ACAP2: variants seen among roughly 807,000 people sequenced by gnomAD.
ACAP2 encodes the protein arf-GAP with coiled-coil, ANK repeat and PH domain-containing protein 2.
In ACAP2, 39 loss-of-function variants were observed where a neutral mutation model predicts 115.8. That is an observed-to-expected ratio of 0.34 (90% confidence interval 0.26 to 0.44). The LOEUF (loss-of-function observed/expected upper bound fraction) is 0.44, where lower values mean the gene tolerates loss of function less well. Among genes scored for constraint, ACAP2 ranks in the 20% least tolerant of loss-of-function variants. ACAP2 has a pLI of 1.00. For missense variants in ACAP2, 662 were observed against 927.6 expected, an observed-to-expected ratio of 0.71 and a Z score of 3.72; for synonymous variants, 289 against 315.8, an observed-to-expected ratio of 0.92 and a Z score of 0.90.
chr3:195,290,849 T>TAAATAAATAAATAATAAATA (rs1553843260), intron 20 of ACAP2, among the ~76,000 whole-genome samples: 3 of 134,192 alleles, frequency 2.2e-5, no homozygotes, highest in African/African-American at 8.8e-5. Context: ...AATAAATAAA[T>TAAATAAATAAATAATAAATA]AATAAATAAA....
In ACAP2 at chr3:195,307,216, C is replaced by T. The variant is rs780010019; in HGVS notation, c.1010+7G>A. 66 of 1,607,342 alleles carry T rather than the reference C, an allele frequency of 4.1e-5. No individual in the cohort carries two copies. The highest frequency in any genetic ancestry group is 5.0e-5 in the Admixed American group (3 of 59,424). ...AAGCAAATCACAGATCCTTTAGAAC[C>T]ACTTACTTTGTTGGCGAGACCACCT... On this transcript the variant is annotated splice_region_variant and intron_variant, in intron 12 of 22. Transcript: ENST00000326793.
chr3:195,342,410 A>G, intron 6 of ACAP2, 61 bp downstream of exon 6: 4 of 1,466,702 alleles, frequency 2.7e-6, no homozygotes, highest in Non-Finnish European at 3.6e-6. Flanking sequence ...CGATCACTCA[A>G]AAGTAACAAC....
At chr3:195,318,175 T>C (rs569966918) in intron 10 of ACAP2, among the ~76,000 whole-genome samples, 16 of 152,356 alleles carry the variant, frequency 1.1e-4, no homozygotes, top group African/African-American at 3.8e-4. Flanking sequence ...CCCAGCCATG[T>C]AGAACTGTGA....
At chr3:195,380,398 C>G (rs948181152) in intron 4 of ACAP2, among the ~76,000 whole-genome samples, 2 of 152,064 alleles carry the variant, frequency 1.3e-5, no homozygotes, top group African/African-American at 4.8e-5. Context: ...TATACAACAG[C>G]CATATCAGTT....
intron 4 of ACAP2, among the ~76,000 whole-genome samples, chr3:195,360,159 A>G (rs769400151): frequency 1.1e-4 from 17 of 152,308 alleles, no homozygotes; most frequent in Non-Finnish European, 2.2e-4. Context: ...AAAGACAAAA[A>G]CTGAAAATAA....
At chr3:195,371,183 T>C (rs1404152874) in intron 4 of ACAP2, among the ~76,000 whole-genome samples, 1 of 152,204 alleles carries the variant, frequency 6.6e-6, no homozygotes, top group African/African-American at 2.4e-5. Context: ...CTTAATTCTA[T>C]CTATCCATGA....
intron 4 of ACAP2, among the ~76,000 whole-genome samples, chr3:195,362,431 T>A (rs773923238): frequency 6.6e-6 from 1 of 152,068 alleles, no homozygotes; most frequent in Non-Finnish European, 1.5e-5. Flanking sequence ...ACTCAAACTA[T>A]TCTGAAAAAT....
chr3:195,286,734 G>C lies in ACAP2; in HGVS notation c.2175-877C>G, dbSNP rs79188077. On this transcript the variant is annotated intron_variant, in intron 21 of 22. Coordinates refer to ENST00000326793, the MANE Select transcript of ACAP2 (RefSeq NM_012287.6). Reference sequence around the variant, plus strand: ...CCTTTGGCATTTGGGTTTTCACAGAGGATGCTTACAAAAATTCTTAAGTGA... The same window carrying C: ...CCTTTGGCATTTGGGTTTTCACAGACGATGCTTACAAAAATTCTTAAGTGA... Among the ~76,000 whole-genome samples the C allele has an allele frequency of 6.9e-3, 1,050 of 152,276 alleles. 7 individuals carry two copies. The highest frequency in any genetic ancestry group is 0.011 in the Non-Finnish European group (745 of 68,028).
At chr3:195,335,064 G>C (rs1039844704) in intron 7 of ACAP2, among the ~76,000 whole-genome samples, 2 of 152,004 alleles carry the variant, frequency 1.3e-5, no homozygotes, top group African/African-American at 4.8e-5. Flanking sequence ...ATCTTTAAAT[G>C]ATTTAAAGGC....
At chr3:195,431,283 T>C (rs1264469641) in intron 1 of ACAP2, among the ~76,000 whole-genome samples, 1 of 152,224 alleles carries the variant, frequency 6.6e-6, no homozygotes, top group Non-Finnish European at 1.5e-5. Flanking sequence ...TATTTATCCA[T>C]GTACGGACAC....
At chr3:195,397,131 C>T (rs1312579633) in intron 1 of ACAP2, among the ~76,000 whole-genome samples, 2 of 152,072 alleles carry the variant, frequency 1.3e-5, no homozygotes, top group Non-Finnish European at 2.9e-5. Context: ...CTGTTGTATT[C>T]TTTTGTTTTA....
chr3:195,294,404 C>G (rs550347284), intron 18 of ACAP2, among the ~76,000 whole-genome samples: 1 of 150,900 alleles, frequency 6.6e-6, no homozygotes, highest in African/African-American at 2.4e-5. Context: ...GTGGTGAAAC[C>G]TCGTCCCTAC....
intron 12 of ACAP2, 157 bp from the exon 13 acceptor site, chr3:195,306,773 C>A: frequency 8.5e-6 from 4 of 472,552 alleles, no homozygotes; most frequent in South Asian, 3.3e-5. Flanking sequence ...ATCTTTAGGG[C>A]AAAGTATGTT....
At chr3:195,306,754 A>G in intron 12 of ACAP2, 138 bp from the exon 13 acceptor site, 1 of 595,958 alleles carries the variant, frequency 1.7e-6, no homozygotes, top group Non-Finnish European at 2.8e-6. Flanking sequence ...AGAAGGTTTT[A>G]TTTCATGTAT....
At chr3:195,318,465 T>C (rs4677668) in intron 10 of ACAP2, among the ~76,000 whole-genome samples, 36,469 of 152,078 alleles carry the variant, frequency 0.24, 5,116 homozygotes, top group East Asian at 0.71. Context: ...GACAATGTAG[T>C]CCAGGCTGAG....
At chr3:195,294,469 TC>T (rs1021151861) in intron 18 of ACAP2, among the ~76,000 whole-genome samples, 66 of 150,344 alleles carry the variant, frequency 4.4e-4, no homozygotes, top group African/African-American at 1.6e-3. Flanking sequence ...TCCCAGCTAC[TC>T]GGGAGGCTGA....
chr3:195,295,384 A>C (rs1353272092), intron 17 of ACAP2: 1 of 777,968 alleles, frequency 1.3e-6, no homozygotes, highest in Middle Eastern at 2.7e-4. Context: ...GAAAAAATTT[A>C]GGAGGAAAAA....
intron 1 of ACAP2, among the ~76,000 whole-genome samples, chr3:195,400,201 T>C (rs1231758277): frequency 6.6e-6 from 1 of 150,756 alleles, no homozygotes. Flanking sequence ...AACAAAAAAA[T>C]ACGTATGTGT....
chr3:195,323,320 T>A (rs1375320488), intron 9 of ACAP2, among the ~76,000 whole-genome samples: 3 of 151,936 alleles, frequency 2.0e-5, no homozygotes, highest in African/African-American at 7.3e-5. Flanking sequence ...ACACAGAACA[T>A]CCAAAATAAT....
Sources: allele counts gnomAD v4.1 joint callset (sites outside exome capture counted in the v4.1 genomes callset), GRCh38; gene constraint gnomAD v4.1.1; transcripts MANE v1.5; gene names NCBI Gene and HGNC (gene_info 2026-07-23, HGNC 2026-07-21).